CRPPA: variants seen among roughly 807,000 people sequenced by gnomAD.
CRPPA encodes the protein CDP-L-ribitol pyrophosphorylase A, also known as D-ribitol-5-phosphate cytidylyltransferase.
Under a neutral mutation model 52.0 loss-of-function variants are expected in CRPPA, and 43 were observed. The observed-to-expected ratio is 0.83, with a 90% CI of 0.65 to 1.07. The LOEUF (loss-of-function observed/expected upper bound fraction) is 1.07. Among genes scored for constraint, CRPPA ranks in the 50% least tolerant of loss-of-function variants. The probability of loss-of-function intolerance (pLI) is 0.00; values close to 1 mark genes in which losing one functional copy is unlikely to be tolerated. For synonymous variants in CRPPA, 250 were observed against 203.5 expected (o/e 1.23, Z -1.94); for missense variants, 629 against 551.7 (o/e 1.14, Z -1.40).
chr7:16,096,977 A>C (rs1419934145), intron 9 of CRPPA, among the ~76,000 whole-genome samples: 2 of 152,170 alleles, frequency 1.3e-5, no homozygotes, highest in Non-Finnish European at 2.9e-5. Flanking sequence ...TTCTTGGAGG[A>C]AAAACAAATT....
chr7:16,258,773 GTAT>G (rs1261572702), intron 7 of CRPPA, 144 bp downstream of exon 7: 1 of 563,400 alleles, frequency 1.8e-6, no homozygotes, highest in East Asian at 3.0e-5. Flanking sequence ...CTTGTTGAAA[GTAT>G]TATTTCTCTT....
intron 9 of CRPPA, among the ~76,000 whole-genome samples, chr7:16,162,806 G>T (rs1485968350): frequency 1.3e-5 from 2 of 152,094 alleles, no homozygotes; most frequent in African/African-American, 4.8e-5. Flanking sequence ...TATTGTGTGG[G>T]AGTCTAAGTC....
At chr7:16,348,660 C>T (rs1442009374) in intron 3 of CRPPA, among the ~76,000 whole-genome samples, 2 of 152,216 alleles carry the variant, frequency 1.3e-5, no homozygotes, top group Non-Finnish European at 2.9e-5. Context: ...GGTTGCTGCA[C>T]ACTCTTTCAT....
chr7:16,271,900 T>C (rs1433875749), intron 6 of CRPPA, among the ~76,000 whole-genome samples: 1 of 152,230 alleles, frequency 6.6e-6, no homozygotes, highest in African/African-American at 2.4e-5. Context: ...GACTATATCA[T>C]GACAGGCATT....
chr7:16,399,799 C>T (rs576919332), intron 2 of CRPPA, among the ~76,000 whole-genome samples: 2 of 152,322 alleles, frequency 1.3e-5, no homozygotes, highest in East Asian at 1.9e-4. Context: ...GTGACCAACA[C>T]GTGACTGACA....
At chr7:16,341,044 G>A (rs1228851359) in intron 3 of CRPPA, among the ~76,000 whole-genome samples, 1 of 152,106 alleles carries the variant, frequency 6.6e-6, no homozygotes, top group Non-Finnish European at 1.5e-5. Flanking sequence ...ATTCTGTAAA[G>A]GCAAGCTACG....
chr7:16,158,288 T>C (rs1460993117), intron 9 of CRPPA, among the ~76,000 whole-genome samples: 1 of 152,146 alleles, frequency 6.6e-6, no homozygotes, highest in African/African-American at 2.4e-5. Flanking sequence ...TTTTATTTCA[T>C]ATATTATACA....
At chr7:16,229,430 CTG>C (rs960081169) in intron 8 of CRPPA, among the ~76,000 whole-genome samples, 1 of 151,722 alleles carries the variant, frequency 6.6e-6, no homozygotes, top group African/African-American at 2.4e-5. Flanking sequence ...TTTTTATTTT[CTG>C]TGTATCTAAT....
At chr7:16,182,589 T>C (rs752704819) in intron 9 of CRPPA, among the ~76,000 whole-genome samples, 61 of 152,164 alleles carry the variant, frequency 4.0e-4, no homozygotes, top group African/African-American at 1.5e-3. Context: ...GGAACCTAGA[T>C]AGGTCTGTAC....
At chr7:16,405,407 A>G (rs1787927893) in intron 2 of CRPPA, among the ~76,000 whole-genome samples, 1 of 152,156 alleles carries the variant, frequency 6.6e-6, no homozygotes, top group African/African-American at 2.4e-5. Flanking sequence ...GGTCTGTCCA[A>G]CTTCATAGCC....
intron 8 of CRPPA, among the ~76,000 whole-genome samples, chr7:16,235,614 G>T (rs1782927841): frequency 6.6e-6 from 1 of 152,000 alleles, no homozygotes; most frequent in African/African-American, 2.4e-5. Context: ...AGGCCACAAA[G>T]CCTAAAATAT....
intron 9 of CRPPA, among the ~76,000 whole-genome samples, chr7:16,168,667 C>G (rs1781116605): frequency 6.6e-6 from 1 of 151,856 alleles, no homozygotes; most frequent in African/African-American, 2.4e-5. Flanking sequence ...CAACTCCATT[C>G]AACCAGAAAT....
intron 8 of CRPPA, among the ~76,000 whole-genome samples, chr7:16,218,568 A>G (rs1257703344): frequency 1.1e-4 from 6 of 55,830 alleles, no homozygotes; most frequent in African/African-American, 4.5e-4. Flanking sequence ...AGAGACACAC[A>G]TAGGCTCAAA....
At chr7:16,319,650 G>GA (rs900663396) in intron 3 of CRPPA, among the ~76,000 whole-genome samples, 10 of 151,766 alleles carry the variant, frequency 6.6e-5, no homozygotes, top group African/African-American at 2.2e-4. Context: ...CTCCAGTCTG[G>GA]AAAAAAAAGC....
intron 2 of CRPPA, among the ~76,000 whole-genome samples, chr7:16,398,999 C>T (rs544147027): frequency 6.6e-6 from 1 of 152,260 alleles, no homozygotes; most frequent in Non-Finnish European, 1.5e-5. Context: ...GTGATTGACA[C>T]TTGACTGACA....
chr7:16,337,456 G>A (rs1169834998), intron 3 of CRPPA, among the ~76,000 whole-genome samples: 1 of 152,026 alleles, frequency 6.6e-6, no homozygotes, highest in Non-Finnish European at 1.5e-5. Context: ...ATAGCATGCA[G>A]CAAAGAGTCC....
intron 9 of CRPPA, among the ~76,000 whole-genome samples, chr7:16,151,659 C>A (rs1339833672): frequency 6.6e-6 from 1 of 151,854 alleles, no homozygotes; most frequent in Non-Finnish European, 1.5e-5. Context: ...CTTCCATACG[C>A]TTTCTATTAA....
intron 8 of CRPPA, among the ~76,000 whole-genome samples, chr7:16,250,432 C>T (rs1461564120): frequency 6.6e-6 from 1 of 152,132 alleles, no homozygotes; most frequent in East Asian, 1.9e-4. Flanking sequence ...TCAGACTGAT[C>T]AAGGTTGAAA....
rs568543505 is a variant in CRPPA, at chr7:16,256,294, G to C, written c.1119+2096C>G. ...AAGTCAAGAAACAACAGATGCTGGA[G>C]AGGATGTGGAGAAATATGAACGCTT... On this transcript the variant is annotated intron_variant, in intron 8 of 9. Transcript: ENST00000407010. Among the ~76,000 whole-genome samples the C allele has an allele frequency of 2.1e-4, 32 of 152,280 alleles. 1 individual carries two copies. Among genetic ancestry groups the C allele is most frequent in the Admixed American group, 1.6e-3 (24 of 15,290 alleles).
Sources: gnomAD v4.1 joint callset for allele counts (sites outside exome capture counted in the v4.1 genomes callset) on GRCh38, gnomAD v4.1.1 for gene constraint, MANE v1.5 for transcripts, NCBI Gene and HGNC (gene_info 2026-07-23, HGNC 2026-07-21) for gene names.